OR2L13: variants seen among roughly 807,000 people sequenced by gnomAD.
The protein encoded by OR2L13 is olfactory receptor family 2 subfamily L member 13.
OR2L13 carries 14 observed loss-of-function variants against 15.3 expected under a neutral mutation model. The observed-to-expected ratio is 0.91, with a 90% CI of 0.60 to 1.43. The LOEUF (loss-of-function observed/expected upper bound fraction) is 1.43. Ranked by LOEUF, OR2L13 falls within the 40% of genes most tolerant of loss-of-function variation. OR2L13 has a pLI of 0.00. For missense variants in OR2L13, 367 were observed against 387.9 expected (o/e 0.95, Z 0.45); for synonymous variants, 152 against 142.9 (o/e 1.06, Z -0.45).
the OR2L13 span, among the ~76,000 whole-genome samples, chr1:248,010,411 G>C: frequency 0.037 from 5,652 of 152,126 alleles, 316 homozygotes; most frequent in African/African-American, 0.13. Context: ...GTTGATTTGG[G>C]GTGGAGAGTA....
At chr1:248,006,813 C>T in the OR2L13 span, among the ~76,000 whole-genome samples, 1 of 152,168 alleles carries the variant, frequency 6.6e-6, no homozygotes, top group East Asian at 1.9e-4. Context: ...TGGTGTCATA[C>T]AAGCTACCAT....
chr1:247,964,432 G>T, the OR2L13 span, among the ~76,000 whole-genome samples: 2 of 152,062 alleles, frequency 1.3e-5, no homozygotes, highest in African/African-American at 4.8e-5. Context: ...AATAACACAT[G>T]ACTTCCAAAG....
the OR2L13 span, among the ~76,000 whole-genome samples, chr1:247,978,080 C>A: frequency 6.6e-6 from 1 of 152,106 alleles, no homozygotes; most frequent in Non-Finnish European, 1.5e-5. Context: ...TTGTGTCTTA[C>A]AAGAGGATTA....
At chr1:248,073,646 A>C in the OR2L13 span, among the ~76,000 whole-genome samples, 3 of 151,490 alleles carry the variant, frequency 2.0e-5, no homozygotes, top group African/African-American at 7.3e-5. Flanking sequence ...ATAAAAAAGA[A>C]TTAAAAAAAT....
At chr1:248,017,451 G>T in the OR2L13 span, among the ~76,000 whole-genome samples, 1 of 152,182 alleles carries the variant, frequency 6.6e-6, no homozygotes, top group East Asian at 1.9e-4. Flanking sequence ...ATATCGTAAC[G>T]TCACAAAATA....
chr1:248,097,692 C>T (rs887217809), intron 1 of OR2L13, among the ~76,000 whole-genome samples: 8 of 152,222 alleles, frequency 5.3e-5, no homozygotes, highest in African/African-American at 1.7e-4. Context: ...TAAACCTACA[C>T]CCAAGTCAGC....
the OR2L13 span, among the ~76,000 whole-genome samples, chr1:247,957,976 T>G: frequency 6.6e-6 from 1 of 152,176 alleles, no homozygotes; most frequent in African/African-American, 2.4e-5. Flanking sequence ...TTTCTTGCCT[T>G]CTGCTAGCTT....
At chr1:248,099,612 G>A in exon 3 of OR2L13, 2 of 1,614,030 alleles carry the variant, frequency 1.2e-6, no homozygotes, top group Non-Finnish European at 1.7e-6. Flanking sequence ...CCGTCCCCAA[G>A]ATGGCGTACA....
upstream of OR2L13, among the ~76,000 whole-genome samples, chr1:248,092,129 A>G (rs1344859289): frequency 6.6e-6 from 1 of 152,170 alleles, no homozygotes; most frequent in Non-Finnish European, 1.5e-5. Context: ...TTGATTTTGT[A>G]TGCTGAAACT....
the OR2L13 span, among the ~76,000 whole-genome samples, chr1:248,035,050 C>CTTTT: frequency 7.1e-6 from 1 of 140,780 alleles, no homozygotes; most frequent in Non-Finnish European, 1.6e-5. Context: ...TTATCTTTCC[C>CTTTT]TTTTTTTTTT....
the OR2L13 span, among the ~76,000 whole-genome samples, chr1:247,982,534 C>G: frequency 6.6e-6 from 1 of 152,152 alleles, no homozygotes; most frequent in Admixed American, 6.5e-5. Flanking sequence ...AACGTGGGCA[C>G]TGTTTGGAGA....
At chr1:247,991,009 A>T in the OR2L13 span, 3 of 1,520,402 alleles carry the variant, frequency 2.0e-6, no homozygotes, top group Admixed American at 5.0e-5. Flanking sequence ...CACTGTAGTG[A>T]CTTTCTACTA....
chr1:247,993,757 GAGGGGGAGA>G, the OR2L13 span, among the ~76,000 whole-genome samples: 1 of 53,760 alleles, frequency 1.9e-5, no homozygotes, highest in East Asian at 6.8e-4. Flanking sequence ...GAGACAGAGA[GAGGGGGAGA>G]GAGAGAGAGA....
chr1:248,003,882 A>C, the OR2L13 span: 5 of 1,612,262 alleles, frequency 3.1e-6, no homozygotes, highest in South Asian at 3.3e-5. Context: ...ACTTTCTACT[A>C]TACACCTTTT....
chr1:248,061,228 A>G, the OR2L13 span: 3 of 1,611,292 alleles, frequency 1.9e-6, no homozygotes, highest in Admixed American at 1.7e-5. Flanking sequence ...TGTCCCAGCA[A>G]TGGTGACTCT....
At chr1:247,981,592 G>C in the OR2L13 span, among the ~76,000 whole-genome samples, 1 of 152,156 alleles carries the variant, frequency 6.6e-6, no homozygotes, top group Non-Finnish European at 1.5e-5. Flanking sequence ...CAACCATGCA[G>C]AGTTTTTGTG....
chr1:248,070,898 C>G, the OR2L13 span, among the ~76,000 whole-genome samples: 1 of 152,200 alleles, frequency 6.6e-6, no homozygotes, highest in African/African-American at 2.4e-5. Flanking sequence ...AATTCCTCGA[C>G]ACATACACCC....
At chr1:248,080,827 C>T in the OR2L13 span, among the ~76,000 whole-genome samples, 2 of 152,122 alleles carry the variant, frequency 1.3e-5, no homozygotes, top group East Asian at 3.8e-4. Context: ...ATTTCTGGTC[C>T]TAGATCCTTG....
At chr1:248,069,333 G>A in the OR2L13 span, among the ~76,000 whole-genome samples, 5 of 152,156 alleles carry the variant, frequency 3.3e-5, no homozygotes, top group Non-Finnish European at 7.3e-5. Flanking sequence ...CATTCTTAAA[G>A]AAAAGAATTT....
Sources: gnomAD v4.1 joint callset for allele counts (sites outside exome capture counted in the v4.1 genomes callset) on GRCh38, gnomAD v4.1.1 for gene constraint, MANE v1.5 for transcripts, NCBI Gene and HGNC (gene_info 2026-07-23, HGNC 2026-07-21) for gene names.